EPDR1: variants seen among roughly 807,000 people sequenced by gnomAD.
EPDR1 encodes the protein mammalian ependymin-related protein 1.
A neutral mutation model predicts 23.7 loss-of-function variants in EPDR1; 27 were observed. The observed-to-expected ratio is 1.14, with a 90% confidence interval of 0.84 to 1.57. The LOEUF is 1.57. Among genes scored for constraint, EPDR1 ranks in the 40% most tolerant of loss-of-function variants. The pLI is 0.00. For synonymous variants in EPDR1, 137 were observed against 118.2 expected (o/e 1.16, Z -1.03); for missense variants, 349 against 290.4 (o/e 1.20, Z -1.47).
chr7:37,936,495 T>C (rs1786056403), intron 1 of EPDR1, among the ~76,000 whole-genome samples: 1 of 152,058 alleles, frequency 6.6e-6, no homozygotes, highest in South Asian at 2.1e-4. Flanking sequence ...ACAAAGTAAT[T>C]AGTGGTAAGG....
chr7:37,921,364 G>A (rs1785697513), intron 1 of EPDR1, 156 bp downstream of exon 1: 4 of 1,414,356 alleles, frequency 2.8e-6, no homozygotes, highest in South Asian at 3.0e-5. Flanking sequence ...CTTGGGGATA[G>A]CATGGTCCGG....
At position 37,920,917 on chromosome 7, in the gene EPDR1, C is replaced by A. The variant is rs749072498; in HGVS notation, c.-23C>A. On this transcript the variant is annotated 5_prime_UTR_variant, in exon 1 of 3. Coordinates refer to ENST00000199448, the MANE Select transcript of EPDR1 (RefSeq NM_017549.5). Reference sequence around the variant, plus strand: ...GCCCCCTTGGGCTTGGGCTTGCCCTCGGGCCGGGGAAGGCTGACCGCGATG... The same window carrying A: ...GCCCCCTTGGGCTTGGGCTTGCCCTAGGGCCGGGGAAGGCTGACCGCGATG... 4 of 1,610,570 alleles carry A rather than the reference C, an allele frequency of 2.5e-6. No homozygotes were observed. The East Asian group carries it at 8.9e-5, about 36-fold the overall frequency.
At chr7:37,932,830 G>C (rs75954785) in intron 1 of EPDR1, among the ~76,000 whole-genome samples, 3,623 of 152,256 alleles carry the variant, frequency 0.024, 154 homozygotes, top group East Asian at 0.19. Context: ...TCTTTCATCA[G>C]ATGAAAGAGT....
At chr7:37,949,439 G>A (rs1271661971) in intron 2 of EPDR1, among the ~76,000 whole-genome samples, 2 of 152,190 alleles carry the variant, frequency 1.3e-5, no homozygotes, top group African/African-American at 4.8e-5. Context: ...CATGCTGAGT[G>A]TGCAAACCAG....
chr7:37,926,433 G>T (rs1406646835), intron 1 of EPDR1, among the ~76,000 whole-genome samples: 1 of 139,320 alleles, frequency 7.2e-6, no homozygotes, highest in Non-Finnish European at 1.5e-5. Flanking sequence ...TGAAATTCAG[G>T]TGTCATTCAT....
chr7:37,939,082 C>T (rs1433520078), intron 1 of EPDR1, among the ~76,000 whole-genome samples: 2 of 151,848 alleles, frequency 1.3e-5, no homozygotes, highest in Admixed American at 1.3e-4. Context: ...GAGTTCACAC[C>T]ATTCTCCTGC....
In EPDR1 at chr7:37,937,985, A is replaced by ATTTTT. The variant is rs35752051; in HGVS notation, c.270-10836_270-10832dup. Among the ~76,000 whole-genome samples the ATTTTT allele has an allele frequency of 4.8e-3, 344 of 72,368 alleles. 36 individuals carry two copies. Among genetic ancestry groups the ATTTTT allele is most frequent in the African/African-American group, 6.2e-3 (128 of 20,740 alleles). The allele number at this position is 72,368 out of a possible 152,430, so 47.5% of individuals were successfully genotyped here. A position where few individuals can be genotyped will look rare whatever the true frequency, so the allele number is the denominator to read the frequency against. Reference sequence around the variant, plus strand: ...CTGAAGAAAAATGGGTGCCCTTTAAATTTTTTTTTTTTTTTTTTTTTTTGA... The same window carrying ATTTTT: ...CTGAAGAAAAATGGGTGCCCTTTAAATTTTTTTTTTTTTTTTTTTTTTTTTTTTGA... On this transcript the variant is annotated intron_variant, in intron 1 of 2. Coordinates refer to ENST00000199448, the MANE Select transcript of EPDR1 (RefSeq NM_017549.5).
At chr7:37,921,457 G>GA in intron 1 of EPDR1, 1 of 1,380,832 alleles carries the variant, frequency 7.2e-7, no homozygotes, top group Non-Finnish European at 9.3e-7. Flanking sequence ...GGCAGGTAAA[G>GA]AAGGGACCCA....
chr7:37,929,936 T>C (rs1452037697), intron 1 of EPDR1, among the ~76,000 whole-genome samples: 1 of 152,224 alleles, frequency 6.6e-6, no homozygotes, highest in Non-Finnish European at 1.5e-5. Flanking sequence ...ACCCACAGTT[T>C]CTCAGAAGCA....
intron 1 of EPDR1, among the ~76,000 whole-genome samples, chr7:37,938,771 T>G (rs13228242): frequency 1.9e-3 from 287 of 152,296 alleles, no homozygotes; most frequent in Non-Finnish European, 3.1e-3. Flanking sequence ...AAATTTCCAT[T>G]GAAGGGTCTG....
At chr7:37,939,988 AG>A (rs1169028792) in intron 1 of EPDR1, among the ~76,000 whole-genome samples, 1 of 152,212 alleles carries the variant, frequency 6.6e-6, no homozygotes, top group East Asian at 1.9e-4. Flanking sequence ...GCACAACACA[AG>A]GTCATTATTT....
chr7:37,937,440 G>T (rs965673227), intron 1 of EPDR1, among the ~76,000 whole-genome samples: 1 of 151,992 alleles, frequency 6.6e-6, no homozygotes, highest in Non-Finnish European at 1.5e-5. Context: ...CCAACAAATG[G>T]CAGGGGAAAT....
intron 1 of EPDR1, among the ~76,000 whole-genome samples, chr7:37,935,993 CATATATATATATATATATATAT>C (rs752536687): frequency 2.4e-4 from 11 of 45,588 alleles, no homozygotes; most frequent in East Asian, 9.6e-4. Context: ...CAAATCATGG[CATATATATATATATATATATAT>C]ATATATATAT....
chr7:37,929,961 C>T (rs554013182), intron 1 of EPDR1, among the ~76,000 whole-genome samples: 3 of 152,108 alleles, frequency 2.0e-5, no homozygotes, highest in Admixed American at 1.3e-4. Context: ...CTTTTTGAGT[C>T]GGGAGGCCAT....
chr7:37,940,797 T>G (rs1050413136), intron 1 of EPDR1, among the ~76,000 whole-genome samples: 68 of 127,364 alleles, frequency 5.3e-4, no homozygotes, highest in Non-Finnish European at 1.0e-3. Flanking sequence ...TGAATTCGAG[T>G]TTTTTTTTTC....
intron 1 of EPDR1, chr7:37,926,911 A>G (rs56270138): frequency 0.27 from 64,295 of 239,046 alleles, 10,426 homozygotes; most frequent in Non-Finnish European, 0.36. Context: ...AAGCCTTCTA[A>G]TTTTGTTCTA....
At chr7:37,932,328 C>T (rs1217545370) in intron 1 of EPDR1, among the ~76,000 whole-genome samples, 2 of 152,040 alleles carry the variant, frequency 1.3e-5, no homozygotes, top group African/African-American at 4.8e-5. Flanking sequence ...TTAGAGATGA[C>T]ATCTCACTAT....
chr7:37,928,848 T>C (rs1381340733), intron 1 of EPDR1, among the ~76,000 whole-genome samples: 1 of 152,236 alleles, frequency 6.6e-6, no homozygotes, highest in Admixed American at 6.5e-5. Flanking sequence ...ACTGTTATTC[T>C]GGCCCAAACT....
In EPDR1 at chr7:37,921,126, A is replaced by G. The variant is rs749724431; in HGVS notation, c.187A>G (p.Ser63Gly). Residue 63 changes from serine (S) to glycine (G), a missense_variant, in exon 1 of 3, where the codon AGC becomes GGC. Ser to Gly is a moderately conservative substitution (Grantham distance 56, BLOSUM62 0). Coordinates refer to ENST00000199448, the MANE Select transcript of EPDR1 (RefSeq NM_017549.5). ...GTACCAGCAAAGTAGCGGGCGCAAC[A>G]GCCGCGCCCTGCTCTCCTACGACGG... is the stretch of plus-strand genomic sequence containing the variant. ...VMYQQSSGRN[S>G]RALLSYDGLN... 6.3e-7 allele frequency: 1 copy of G among 1,595,304 alleles called. No individual in the cohort carries two copies. The highest frequency in any genetic ancestry group is 1.7e-5 in the Admixed American group (1 of 59,700).
Sources: gnomAD v4.1 joint callset for allele counts (sites outside exome capture counted in the v4.1 genomes callset) on GRCh38, gnomAD v4.1.1 for gene constraint, MANE v1.5 for transcripts, NCBI Gene and HGNC (gene_info 2026-07-23, HGNC 2026-07-21) for gene names.